ZNF430: variants seen among roughly 807,000 people sequenced by gnomAD.
ZNF430 encodes zinc finger protein 430.
Under a neutral mutation model 56.7 loss-of-function variants are expected in ZNF430, and 35 were observed. The observed-to-expected ratio is 0.62, with a 90% confidence interval of 0.47 to 0.82. The LOEUF (loss-of-function observed/expected upper bound fraction) is 0.82. ZNF430 is among the 40% of genes least tolerant of loss of function. The pLI is 0.00. For synonymous variants in ZNF430, 212 were observed against 224.3 expected (o/e 0.94, Z 0.49); for missense variants, 574 against 661.0 (o/e 0.87, Z 1.44).
At chr19:21,034,904 C>CAAAAAAAAAAAAA (rs1967970724) in intron 4 of ZNF430, 1 of 152,082 alleles carries the variant, frequency 6.6e-6, no homozygotes, top group Non-Finnish European at 1.5e-5. Context: ...GTTTCTGTTC[C>CAAAAAAAAAAAAA]ACTGTTTTTT....
chr19:21,056,956 G>T lies in ZNF430; in HGVS notation c.648G>T (p.Met216Ile). The T allele has an allele frequency of 6.2e-7, 1 of 1,613,838 alleles. No homozygotes were observed. The highest frequency in any genetic ancestry group is 8.5e-7 in the Non-Finnish European group (1 of 1,179,870). ...KCKKCDKSFC[M>I]LLHLTQHKRI... The stretch of plus-strand genomic sequence containing the variant: ...AAAAATGTGACAAATCGTTTTGCAT[G>T]CTTTTACACCTAACTCAACATAAAA... The change falls in exon 5 of 5, where the codon ATG becomes ATT. Residue 216 changes from methionine (M) to isoleucine (I), a missense_variant. Met to Ile is a conservative substitution (Grantham distance 10, BLOSUM62 1). This residue lies in a region of ZNF430 where 346 missense variants were observed against 399.1 expected (regional missense o/e 0.87). Transcript: ENST00000261560.
chr19:21,052,750 T>G (rs1057004553), intron 4 of ZNF430, among the ~76,000 whole-genome samples: 8 of 152,204 alleles, frequency 5.3e-5, no homozygotes, highest in African/African-American at 1.7e-4. Context: ...AGATTTTAGC[T>G]GAGTCTTGTA....
rs1029323634 is a variant in ZNF430, at chr19:21,048,235, G to A, written c.323-8396G>A. ...CATTCCTGGGTGTTTCTCGCAGAGG[G>A]GGATTTGGCAGGGTCATAGGACAAT... On this transcript the variant is annotated intron_variant, in intron 4 of 4. Coordinates refer to ENST00000261560, the MANE Select transcript of ZNF430 (RefSeq NM_025189.4). 9.1e-5 allele frequency among the ~76,000 whole-genome samples: 11 copies of A among 121,222 alleles called. 1 individual carries two copies. Among genetic ancestry groups the A allele is most frequent in the Admixed American group, 8.3e-4 (8 of 9,594 alleles). 79.5% of individuals were successfully genotyped at this position (121,222 alleles called of 152,430 possible). A position where few individuals can be genotyped will look rare whatever the true frequency, so the allele number is the denominator to read the frequency against.
At chr19:21,040,572 C>T (rs533984713) in intron 4 of ZNF430, among the ~76,000 whole-genome samples, 46 of 152,338 alleles carry the variant, frequency 3.0e-4, no homozygotes, top group Non-Finnish European at 5.7e-4. Flanking sequence ...CTGGCACACA[C>T]TTCTTATACA....
intron 4 of ZNF430, among the ~76,000 whole-genome samples, chr19:21,048,776 C>A (rs1000260887): frequency 6.6e-6 from 1 of 152,076 alleles, no homozygotes; most frequent in Non-Finnish European, 1.5e-5. Context: ...GAGGCGCCCC[C>A]CACCTCCCGG....
rs55772412 is a variant in ZNF430, at chr19:21,054,669, C to CTTTTTTTTTTTTT, written c.323-1950_323-1938dup. 2.1e-3 allele frequency among the ~76,000 whole-genome samples: 136 copies of CTTTTTTTTTTTTT among 65,596 alleles called. 10 individuals are homozygous for CTTTTTTTTTTTTT. The highest frequency in any genetic ancestry group is 8.1e-3 in the African/African-American group (127 of 15,716). 43.0% of individuals were successfully genotyped at this position (65,596 alleles called of 152,430 possible). ...TTTTTGAGCTTCTTCATTTTTACGTCTTTTTTTTTTTTTTTTTTTTTTTTG... is the reference window on the plus strand; with the variant it reads ...TTTTTGAGCTTCTTCATTTTTACGTCTTTTTTTTTTTTTTTTTTTTTTTTTTTTTTTTTTTTTG... On this transcript the variant is annotated intron_variant, in intron 4 of 4. Coordinates refer to ENST00000261560, the MANE Select transcript of ZNF430 (RefSeq NM_025189.4).
rs1447098413 is a variant in ZNF430, at chr19:21,056,900, A to C, written c.592A>C (p.Arg198=). Residue 198 remains arginine (R), a synonymous_variant, in exon 5 of 5, where the codon AGA becomes CGA. Transcript: ENST00000261560. Reference sequence around the variant, plus strand: ...TTCAAATCCAAATATACAAAAGATAAGACATACTGGAAAGAAGCCTTTCAA... The same window carrying C: ...TTCAAATCCAAATATACAAAAGATACGACATACTGGAAAGAAGCCTTTCAA... ...KFSNPNIQKI[R]HTGKKPFKCK... 2 of 1,612,098 alleles carry C rather than the reference A, an allele frequency of 1.2e-6. No individual in the cohort carries two copies. Among genetic ancestry groups the C allele is most frequent in the African/African-American group, 1.3e-5 (1 of 74,832 alleles).
chr19:21,037,863 A>G (rs1025212522), intron 4 of ZNF430, among the ~76,000 whole-genome samples: 5 of 151,850 alleles, frequency 3.3e-5, no homozygotes, highest in African/African-American at 1.2e-4. Flanking sequence ...TGCTTTTTCC[A>G]TTTGTGTATC....
At chr19:21,024,328 C>G (rs4635461) in intron 2 of ZNF430, among the ~76,000 whole-genome samples, 1 of 152,144 alleles carries the variant, frequency 6.6e-6, no homozygotes, top group African/African-American at 2.4e-5. Context: ...AAGGCAGTTT[C>G]TAGACTTTGT....
chr19:21,048,164 CTTTTTTTTTT>C (rs536496163), intron 4 of ZNF430, among the ~76,000 whole-genome samples: 4 of 59,780 alleles, frequency 6.7e-5, no homozygotes, highest in African/African-American at 6.5e-5. Flanking sequence ...CATAAAACAT[CTTTTTTTTTT>C]TTTTTTTTTT....
intron 2 of ZNF430, among the ~76,000 whole-genome samples, chr19:21,028,516 T>C (rs1005346118): frequency 6.6e-6 from 1 of 152,180 alleles, no homozygotes; most frequent in Non-Finnish European, 1.5e-5. Flanking sequence ...TGGATTATCA[T>C]TGGGCCATCA....
intron 4 of ZNF430, among the ~76,000 whole-genome samples, chr19:21,046,139 T>C (rs570982302): frequency 6.6e-5 from 10 of 152,082 alleles, no homozygotes; most frequent in African/African-American, 2.4e-4. Context: ...CTGGCCAACA[T>C]GGTGAAACCC....
chr19:21,030,228 TAA>T (rs1239674577), intron 2 of ZNF430, among the ~76,000 whole-genome samples: 6 of 152,174 alleles, frequency 3.9e-5, no homozygotes, highest in Non-Finnish European at 8.8e-5. Context: ...TAAACTACAT[TAA>T]ACTTTTTCTA....
chr19:21,029,880 G>A (rs868020208), intron 2 of ZNF430, among the ~76,000 whole-genome samples: 8 of 152,002 alleles, frequency 5.3e-5, no homozygotes, highest in African/African-American at 1.2e-4. Flanking sequence ...CAGGAGAATC[G>A]CTTGAACCCG....
chr19:21,054,963 C>T (rs1227137020), intron 4 of ZNF430, among the ~76,000 whole-genome samples: 5 of 151,990 alleles, frequency 3.3e-5, no homozygotes, highest in African/African-American at 4.8e-5. Flanking sequence ...CGTGAGCCAC[C>T]GCGCCCGGCC....
At chr19:21,028,330 G>A (rs922148728) in intron 2 of ZNF430, among the ~76,000 whole-genome samples, 1 of 152,158 alleles carries the variant, frequency 6.6e-6, no homozygotes, top group African/African-American at 2.4e-5. Context: ...AGATATCAAA[G>A]TCATAATGTA....
At chr19:21,039,447 C>CTATTTATTTATTTATTTATTTATTTATT (rs71174789) in intron 4 of ZNF430, among the ~76,000 whole-genome samples, 2 of 129,042 alleles carry the variant, frequency 1.5e-5, no homozygotes, top group African/African-American at 5.8e-5. Flanking sequence ...TTTACTTTTG[C>CTATTTATTTATTTATTTATTTATTTATT]TATTTATTTA....
rs1176881042 is a variant in ZNF430 at position 21,057,297 on chromosome 19, C to T, written c.989C>T (p.Ser330Leu). Residue 330 changes from serine to leucine, a missense_variant, in exon 5 of 5, where the codon TCA becomes TTA. Ser to Leu is a moderately radical substitution (Grantham distance 145, BLOSUM62 -2). Coordinates refer to ENST00000261560, the MANE Select transcript of ZNF430 (RefSeq NM_025189.4). ...TGTGGCAGAGCTTTTAACCGGTCCT[C>T]ACACCTTACTACACATAAGATTATT... Reference protein sequence around the residue: ...EECGRAFNRSSHLTTHKIIHT... With the variant: ...EECGRAFNRSLHLTTHKIIHT... 2 of 1,613,176 alleles carry T rather than the reference C, an allele frequency of 1.2e-6. No individual in the cohort carries two copies. Among genetic ancestry groups the T allele is most frequent in the Non-Finnish European group, 1.7e-6 (2 of 1,179,852 alleles).
intron 1 of ZNF430, among the ~76,000 whole-genome samples, chr19:21,021,792 A>G (rs1967691006): frequency 6.8e-6 from 1 of 147,508 alleles, no homozygotes. Flanking sequence ...CTTTCAATGT[A>G]GTAATTTTCA....
Sources: gnomAD v4.1 joint callset for allele counts (sites outside exome capture counted in the v4.1 genomes callset) on GRCh38, gnomAD v4.1.1 for gene constraint, gnomAD v4.1.1 regional missense constraint, MANE v1.5 for transcripts, NCBI Gene and HGNC (gene_info 2026-07-23, HGNC 2026-07-21) for gene names.